The following PYHIN1 variants were observed in gnomAD, a reference collection of about 807,000 sequenced individuals.
PYHIN1 encodes the protein pyrin and HIN domain family member 1.
A neutral mutation model predicts 43.7 loss-of-function variants in PYHIN1; 32 were observed. That is an observed-to-expected ratio of 0.73 (90% CI 0.55 to 0.98). The LOEUF is 0.98. Ranked by LOEUF, PYHIN1 falls within the 50% of genes least tolerant of loss-of-function variation. PYHIN1 has a pLI of 0.00. For missense variants in PYHIN1, 588 were observed against 589.5 expected, an observed-to-expected ratio of 1.00 and a Z score of 0.03; for synonymous variants, 205 against 203.1, an observed-to-expected ratio of 1.01 and a Z score of -0.08.
intron 8 of PYHIN1, among the ~76,000 whole-genome samples, chr1:158,974,623 T>C (rs1455345466): frequency 6.6e-6 from 1 of 152,092 alleles, no homozygotes; most frequent in Non-Finnish European, 1.5e-5. Flanking sequence ...ACTCTTTTAG[T>C]TGAAGACATG....
rs567832818 is a variant in PYHIN1, at chr1:158,933,076, A to C, written c.-21+1300A>C. Among the ~76,000 whole-genome samples, 1 of 151,856 alleles carries C rather than the reference A, an allele frequency of 6.6e-6. No individual in the cohort carries two copies. Among genetic ancestry groups the C allele is most frequent in the Non-Finnish European group, 1.5e-5 (1 of 67,912 alleles). On this transcript the variant is annotated intron_variant, in intron 1 of 8. Coordinates refer to ENST00000368140, the MANE Select transcript of PYHIN1 (RefSeq NM_152501.5). The surrounding 1 kb of genome is among the most constrained non-coding windows in gnomAD (Gnocchi z 6.3). The stretch of plus-strand genomic sequence containing the variant: ...CCTTGTTCATTTAGTATTGGAAGAT[A>C]TAATATAGAACCTCCTATTATAAGA...
chr1:158,941,336 C>T (rs1240306245), intron 4 of PYHIN1, among the ~76,000 whole-genome samples: 1 of 152,188 alleles, frequency 6.6e-6, no homozygotes, highest in Non-Finnish European at 1.5e-5. Flanking sequence ...CATGCTACCT[C>T]CTAGAGCCCT....
chr1:158,932,337 A>G (rs1344092957), intron 1 of PYHIN1, among the ~76,000 whole-genome samples: 1 of 152,126 alleles, frequency 6.6e-6, no homozygotes, highest in African/African-American at 2.4e-5. Context: ...GTGGGTTGGA[A>G]GGCTATCTAT....
At chr1:158,953,347 C>G (rs887631372) in intron 7 of PYHIN1, among the ~76,000 whole-genome samples, 9 of 150,402 alleles carry the variant, frequency 6.0e-5, no homozygotes, top group Non-Finnish European at 8.9e-5. Flanking sequence ...ACTTAAATGT[C>G]CCTGTCTGAC....
chr1:158,958,698 C>T (rs2570919), intron 7 of PYHIN1, among the ~76,000 whole-genome samples: 24 of 143,642 alleles, frequency 1.7e-4, no homozygotes, highest in Non-Finnish European at 2.7e-4. Flanking sequence ...ATGGCACATG[C>T]ATACATATGT....
chr1:158,957,938 G>T (rs1035905787), intron 7 of PYHIN1, among the ~76,000 whole-genome samples: 90 of 152,014 alleles, frequency 5.9e-4, no homozygotes, highest in Non-Finnish European at 1.1e-3. Flanking sequence ...ATCAGAAAGT[G>T]GGTGAAGGAC....
rs1648173699 is a variant in PYHIN1, at chr1:158,931,726, A to C, written c.-71A>C. The C allele has an allele frequency of 6.6e-6, 1 of 152,182 alleles. No homozygotes were observed. The highest frequency in any genetic ancestry group is 2.4e-5 in the African/African-American group (1 of 41,452). The allele number at this position is 152,182 out of a possible 1,614,324, so 9.4% of individuals were successfully genotyped here. A position where few individuals can be genotyped will look rare whatever the true frequency, so the allele number is the denominator to read the frequency against. ...ATTCAAAACAATCCTCATTTCCTAC[A>C]TTTCTGAAGATCTCAAGATCTGGAC... On this transcript the variant is annotated 5_prime_UTR_variant, in exon 1 of 9. Transcript: ENST00000368140.
At chr1:158,979,368 T>C (rs149659504), downstream of PYHIN1, among the ~76,000 whole-genome samples, 8 of 152,302 alleles carry the variant, frequency 5.3e-5, no homozygotes, top group Admixed American at 3.3e-4. Context: ...TTGGCTATTA[T>C]AGATACTCTA....
chr1:158,947,424 A>G (rs761740552), intron 7 of PYHIN1, among the ~76,000 whole-genome samples: 1 of 152,154 alleles, frequency 6.6e-6, no homozygotes, highest in Non-Finnish European at 1.5e-5. Context: ...ATTTTAAACT[A>G]TCCATGGTCT....
chr1:158,936,737 A>G (rs1490627500), intron 1 of PYHIN1, among the ~76,000 whole-genome samples, 154 bp from the exon 2 acceptor site: 5 of 152,214 alleles, frequency 3.3e-5, no homozygotes, highest in African/African-American at 1.2e-4. Flanking sequence ...CACAGCCAAT[A>G]TCATACTGAA....
intron 8 of PYHIN1, among the ~76,000 whole-genome samples, chr1:158,976,118 T>TA (rs1190625539): frequency 3.3e-5 from 5 of 152,092 alleles, no homozygotes; most frequent in Admixed American, 2.0e-4. Context: ...CATCTCTGTG[T>TA]AGACAGAGAT....
chr1:158,976,474 G>A (rs1195576544), intron 8 of PYHIN1, among the ~76,000 whole-genome samples: 3 of 151,970 alleles, frequency 2.0e-5, no homozygotes, highest in Non-Finnish European at 4.4e-5. Context: ...GTGGGCTCAT[G>A]CTGGGTAGGA....
At chr1:158,959,411 GC>G (rs1314315921) in intron 7 of PYHIN1, among the ~76,000 whole-genome samples, 1 of 152,140 alleles carries the variant, frequency 6.6e-6, no homozygotes, top group East Asian at 1.9e-4. Flanking sequence ...GAGCAATTAT[GC>G]ACCCGCGGTT....
chr1:158,986,429 G>A, the PYHIN1 span, among the ~76,000 whole-genome samples: 2 of 152,134 alleles, frequency 1.3e-5, no homozygotes, highest in Admixed American at 6.5e-5. Context: ...CTGAAACTAG[G>A]CCAACACCTT....
intron 4 of PYHIN1, among the ~76,000 whole-genome samples, chr1:158,940,494 C>A (rs1304856701): frequency 3.3e-5 from 5 of 152,050 alleles, no homozygotes; most frequent in Admixed American, 1.3e-4. Context: ...TTCTGATAAT[C>A]CTTATAATGC....
chr1:158,958,630 T>A (rs1374287413), intron 7 of PYHIN1, among the ~76,000 whole-genome samples: 1 of 145,134 alleles, frequency 6.9e-6, no homozygotes. Flanking sequence ...GGGAAAGGGA[T>A]AGCATTGGGA....
chr1:158,956,585 G>T (rs1385736411), intron 7 of PYHIN1, among the ~76,000 whole-genome samples: 1 of 151,774 alleles, frequency 6.6e-6, no homozygotes, highest in Non-Finnish European at 1.5e-5. Flanking sequence ...AATAAATTAG[G>T]TACTGATGGG....
rs140228264 is a variant in PYHIN1 at position 158,967,531 on chromosome 1, C to T, written c.1360-6116C>T. Among the ~76,000 whole-genome samples the T allele has an allele frequency of 3.3e-5, 5 of 152,112 alleles. No individual in the cohort carries two copies. In the East Asian group the frequency reaches 9.6e-4, roughly 29 times the overall value. Reference sequence around the variant, plus strand: ...TGGCCAGATTTCCCAAAGCAATGTACAGATTCAATGCTATTCCTATCAAAC... The same window carrying T: ...TGGCCAGATTTCCCAAAGCAATGTATAGATTCAATGCTATTCCTATCAAAC... On this transcript the variant is annotated intron_variant, in intron 7 of 8. Coordinates refer to ENST00000368140, the MANE Select transcript of PYHIN1 (RefSeq NM_152501.5).
At chr1:158,974,086 C>G (rs559804689) in intron 8 of PYHIN1, among the ~76,000 whole-genome samples, 1 of 152,040 alleles carries the variant, frequency 6.6e-6, no homozygotes, top group Non-Finnish European at 1.5e-5. Context: ...ACCTTCTATT[C>G]CAGTTTCCTT....
Sources: gnomAD v4.1 joint callset for allele counts (sites outside exome capture counted in the v4.1 genomes callset) on GRCh38, gnomAD v4.1.1 for gene constraint, Gnocchi (gnomAD v3.1) non-coding constraint, MANE v1.5 for transcripts, NCBI Gene and HGNC (gene_info 2026-07-23, HGNC 2026-07-21) for gene names.